USP6: variants seen among roughly 807,000 people sequenced by gnomAD.
USP6 encodes ubiquitin specific peptidase 6, also known as ubiquitin carboxyl-terminal hydrolase 6.
Under a neutral mutation model 175.7 loss-of-function variants are expected in USP6, and 128 were observed. The observed-to-expected ratio is 0.73, with a 90% CI of 0.63 to 0.84. The LOEUF (loss-of-function observed/expected upper bound fraction) is 0.84. Ranked by LOEUF, USP6 falls within the 40% of genes least tolerant of loss-of-function variation. The pLI is 0.00. For missense variants in USP6, 1,498 were observed against 1,760.3 expected, an observed-to-expected ratio of 0.85 and a Z score of 2.67; for synonymous variants, 562 against 630.6, an observed-to-expected ratio of 0.89 and a Z score of 1.63.
intron 7 of USP6, 117 bp downstream of exon 7, chr17:5,127,756 T>C (rs1302802857): frequency 6.6e-6 from 1 of 152,214 alleles, no homozygotes; most frequent in Non-Finnish European, 1.5e-5. Flanking sequence ...TATTTACATA[T>C]AAGCTATGCA....
rs754743012 is a variant in USP6, at chr17:5,172,929, C to T, written c.4172C>T (p.Thr1391Met). The T allele has an allele frequency of 1.2e-5, 20 of 1,613,788 alleles. 1 individual carries two copies. Among genetic ancestry groups the T allele is most frequent in the South Asian group, 1.2e-4 (11 of 91,082 alleles). ...DGKKMADTSS[T>M]DEDSESDYEK... is the part of the protein sequence containing the mutation. ...AAAAAGATGGCAGACACAAGCAGTA[C>T]GGATGAAGACTCTGAGTCTGATTAC... The change falls in exon 38 of 38, where the codon ACG becomes ATG. Residue 1391 changes from threonine to methionine, a missense_variant. Thr to Met is a moderately conservative substitution (Grantham distance 81, BLOSUM62 -1). Around this residue, in one of 2 missense-constraint regions of USP6, gnomAD observed 1,217 missense variants for 1,500.8 expected, o/e 0.81. Coordinates refer to ENST00000574788, the MANE Select transcript of USP6 (RefSeq NM_001304284.2).
At position 5,120,775 on chromosome 17, in the gene USP6, G is replaced by A; in HGVS notation, c.-1688G>A. The A allele has an allele frequency of 2.2e-6, 1 of 447,032 alleles. No homozygotes were observed. Among genetic ancestry groups the A allele is most frequent in the East Asian group, 6.9e-5 (1 of 14,392 alleles). The allele number at this position is 447,032 out of a possible 1,614,324, so 27.7% of individuals were successfully genotyped here. A position where few individuals can be genotyped will look rare whatever the true frequency, so the allele number is the denominator to read the frequency against. ...AAGAGCTACAAGGATGCCAAGGGCTGTTTCTTCAGCATGGTGGGTGGCCAT... is the reference window on the plus strand; with the variant it reads ...AAGAGCTACAAGGATGCCAAGGGCTATTTCTTCAGCATGGTGGGTGGCCAT... On this transcript the variant is annotated 5_prime_UTR_variant, in exon 3 of 38. Transcript: ENST00000574788.
intron 30 of USP6, among the ~76,000 whole-genome samples, chr17:5,150,943 A>G (rs371647816): frequency 1.1e-4 from 17 of 152,242 alleles, no homozygotes; most frequent in African/African-American, 3.6e-4. Flanking sequence ...TTGTGACTAC[A>G]TAACTGCAAT....
Position 5,135,905 on chromosome 17 carries a change from C to A in USP6, c.641C>A (p.Ala214Asp). 1.9e-6 allele frequency: 3 copies of A among 1,598,830 alleles called. No homozygotes were observed. The highest frequency in any genetic ancestry group is 2.5e-6 in the Non-Finnish European group (3 of 1,179,796). ...DAFWALVQLL[A>D]SERHSLPGFH... ...TTCTGGGCACTGGTGCAGCTGCTGGCCAGTGAGAGGCACTCCCTGCCAGGT... is the reference window on the plus strand; with the variant it reads ...TTCTGGGCACTGGTGCAGCTGCTGGACAGTGAGAGGCACTCCCTGCCAGGT... The change falls in exon 17 of 38, where the codon GCC becomes GAC. Residue 214 changes from alanine to aspartate, a missense_variant. Physicochemically the swap from Ala to Asp is moderately radical, Grantham distance 126. Coordinates refer to ENST00000574788, the MANE Select transcript of USP6 (RefSeq NM_001304284.2).
intron 30 of USP6, among the ~76,000 whole-genome samples, chr17:5,150,558 A>G (rs1471038673): frequency 3.3e-5 from 5 of 149,948 alleles, no homozygotes; most frequent in African/African-American, 9.9e-5. Context: ...GCAGTGGTGC[A>G]ATCTCGGTTC....
At position 5,135,143 on chromosome 17, in the gene USP6, C is replaced by G. The variant is rs2073209622; in HGVS notation, c.495-91C>G. 7 of 1,428,746 alleles carry G rather than the reference C, an allele frequency of 4.9e-6. No individual in the cohort carries two copies. In the South Asian group the frequency reaches 8.0e-5, roughly 16 times the overall value. 88.5% of individuals were successfully genotyped at this position (1,428,746 alleles called of 1,614,324 possible). A position where few individuals can be genotyped will look rare whatever the true frequency, so the allele number is the denominator to read the frequency against. ...CTGCTTATCTGGTGAATCATCTGAACCTGAAATGGGATTTGTTAGGATTTG... is the reference window on the plus strand; with the variant it reads ...CTGCTTATCTGGTGAATCATCTGAAGCTGAAATGGGATTTGTTAGGATTTG... On this transcript the variant is annotated intron_variant, in intron 15 of 37. Coordinates refer to ENST00000574788, the MANE Select transcript of USP6 (RefSeq NM_001304284.2).
At chr17:5,147,725 T>G (rs2073650945) in intron 29 of USP6, among the ~76,000 whole-genome samples, 1 of 152,182 alleles carries the variant, frequency 6.6e-6, no homozygotes, top group Non-Finnish European at 1.5e-5. Flanking sequence ...TAATTTTAGT[T>G]TTAATTTAGA....
chr17:5,150,526 G>A (rs974573974), intron 30 of USP6, among the ~76,000 whole-genome samples: 70 of 144,114 alleles, frequency 4.9e-4, no homozygotes, highest in Non-Finnish European at 8.7e-4. Flanking sequence ...ACAGAGTCTC[G>A]CTCTGTCACC....
rs769405225 is a variant in USP6 at position 5,168,143 on chromosome 17, C to T, written c.3228+20C>T. 1.3e-6 allele frequency: 2 copies of T among 1,567,404 alleles called. No individual in the cohort carries two copies. Among genetic ancestry groups the T allele is most frequent in the Admixed American group, 3.6e-5 (2 of 55,410 alleles). On this transcript the variant is annotated intron_variant, in intron 34 of 37. Coordinates refer to ENST00000574788, the MANE Select transcript of USP6 (RefSeq NM_001304284.2). ...TTCCTGGTATGTTACGGTCCTGCCT[C>T]TGAGAGAGCAGGAATCTAGCATAAA...
rs754377999 is a variant in USP6, at chr17:5,137,636, C to T, written c.826-15C>T. The T allele has an allele frequency of 3.1e-6, 5 of 1,601,852 alleles. No individual in the cohort carries two copies. The Admixed American group carries it at 6.7e-5, about 21-fold the overall frequency. On this transcript the variant is annotated splice_polypyrimidine_tract_variant and intron_variant, in intron 19 of 37. Coordinates refer to ENST00000574788, the MANE Select transcript of USP6 (RefSeq NM_001304284.2). ...CTGGAAGGGCCAGGTTCTCTCATAC[C>T]TGCTGTCCCCACAGATCTCTCTCGG...
At position 5,173,068 on chromosome 17, in the gene USP6, CTAAATGTAGTTAT is replaced by C; in HGVS notation, c.*92_*104del. On this transcript the variant is annotated 3_prime_UTR_variant, in exon 38 of 38. Coordinates refer to ENST00000574788, the MANE Select transcript of USP6 (RefSeq NM_001304284.2). ...GGCAAAAGTGTCACTGAAAGACAAG[CTAAATGTAGTTAT>C]TTTATCCTGTTAGAACAAAAATTCT... 1 of 1,465,646 alleles carries C rather than the reference CTAAATGTAGTTAT, an allele frequency of 6.8e-7. No homozygotes were observed. The allele number at this position is 1,465,646 out of a possible 1,614,324, so 90.8% of individuals were successfully genotyped here.
intron 4 of USP6, among the ~76,000 whole-genome samples, 159 bp from the exon 5 acceptor site, chr17:5,124,407 C>T (rs886241298): frequency 7.9e-5 from 12 of 152,316 alleles, no homozygotes; most frequent in African/African-American, 2.2e-4. Context: ...AAACAGAACT[C>T]GGTTGGGAAT....
In USP6 at chr17:5,172,909, G is replaced by C. The variant is rs750362453; in HGVS notation, c.4152G>C (p.Lys1384Asn). The C allele has an allele frequency of 1.9e-6, 3 of 1,613,952 alleles. No homozygotes were observed. In the South Asian group the frequency reaches 3.3e-5, roughly 18 times the overall value. Residue 1384 changes from lysine to asparagine, a missense_variant, in exon 38 of 38, where the codon AAG becomes AAC. By Grantham distance (94) the Lys-to-Asn change is moderately conservative. Transcript: ENST00000574788. ...TTCTGCCAAAGATTGATGGCAAAAAGATGGCAGACACAAGCAGTACGGATG... is the reference window on the plus strand; with the variant it reads ...TTCTGCCAAAGATTGATGGCAAAAACATGGCAGACACAAGCAGTACGGATG... Reference protein sequence around the residue: ...AQFLPKIDGKKMADTSSTDED... With the variant: ...AQFLPKIDGKNMADTSSTDED...
chr17:5,162,833 A>G (rs1244405183), intron 32 of USP6, 51 bp from the exon 33 acceptor site: 2 of 1,572,502 alleles, frequency 1.3e-6, no homozygotes, highest in African/African-American at 2.8e-5. Flanking sequence ...AAGAAAATTT[A>G]AATTCCTTCA....
intron 16 of USP6, 125 bp from the exon 17 acceptor site, chr17:5,135,683 G>T: frequency 1.3e-6 from 2 of 1,586,176 alleles, no homozygotes; most frequent in Non-Finnish European, 1.7e-6. Flanking sequence ...TTTGCATCCT[G>T]AGGAAGCCTC....
At chr17:5,142,624 G>A (rs1321799186) in intron 25 of USP6, 122 bp downstream of exon 25, 1 of 1,401,132 alleles carries the variant, frequency 7.1e-7, no homozygotes, top group African/African-American at 1.4e-5. Context: ...CCTTTACTTG[G>A]TATAAACAAG....
intron 35 of USP6, 132 bp from the exon 36 acceptor site, chr17:5,170,347 G>A: frequency 1.1e-5 from 15 of 1,366,674 alleles, no homozygotes; most frequent in African/African-American, 1.5e-5. Flanking sequence ...GAACCAAAGG[G>A]TAGCCAGTCA....
Position 5,139,530 on chromosome 17 carries a change from A to C in USP6, c.1354A>C (p.Lys452Gln). ...GGGTTCCTGGAGATTCCTGGAGTGG[A>C]AGTCAATGCCCCGGCTCCCAACGGA... Reference protein sequence around the residue: ...PQGSWRFLEWKSMPRLPTDLD... With the variant: ...PQGSWRFLEWQSMPRLPTDLD... Residue 452 changes from lysine to glutamine, a missense_variant, in exon 22 of 38, where the codon AAG becomes CAG. Coordinates refer to ENST00000574788, the MANE Select transcript of USP6 (RefSeq NM_001304284.2). 6.2e-7 allele frequency: 1 copy of C among 1,613,744 alleles called. No homozygotes were observed. The highest frequency in any genetic ancestry group is 2.2e-5 in the East Asian group (1 of 44,868).
intron 23 of USP6, 49 bp downstream of exon 23, chr17:5,141,548 TTTTCTTC>T: frequency 2.0e-6 from 3 of 1,491,902 alleles, no homozygotes; most frequent in Non-Finnish European, 1.8e-6. Context: ...AATGTATTTT[TTTTCTTC>T]TTTCAACTAT....
Sources: allele counts gnomAD v4.1 joint callset (sites outside exome capture counted in the v4.1 genomes callset), GRCh38; gene constraint gnomAD v4.1.1; regional missense constraint gnomAD v4.1.1; transcripts MANE v1.5; gene names NCBI Gene and HGNC (gene_info 2026-07-23, HGNC 2026-07-21).